Variants in TCP11L2 observed in about 807,000 individuals in gnomAD.
TCP11L2 encodes the protein T-complex protein 11-like protein 2.
A neutral mutation model predicts 50.7 loss-of-function variants in TCP11L2; 39 were observed. The ratio of observed to expected loss-of-function variants is 0.77; its 90% CI spans 0.60 to 1.01. The LOEUF (loss-of-function observed/expected upper bound fraction) is 1.01. TCP11L2 is among the 50% of genes least tolerant of loss of function. TCP11L2 has a pLI of 0.00. For missense variants in TCP11L2, 612 were observed against 614.7 expected (o/e 1.00, Z 0.05); for synonymous variants, 192 against 219.3 (o/e 0.88, Z 1.10).
intron 6 of TCP11L2, among the ~76,000 whole-genome samples, chr12:106,333,601 G>C (rs1187182239): frequency 2.6e-5 from 4 of 152,032 alleles, no homozygotes; most frequent in African/African-American, 9.7e-5. Context: ...GAACACTTAA[G>C]AGCTGAACAT....
rs781238856 is a variant in TCP11L2, at chr12:106,318,373, A to T, written c.323A>T (p.His108Leu). Residue 108 changes from histidine (H) to leucine (L), a missense_variant, in exon 4 of 10, where the codon CAC becomes CTC. His to Leu is a moderately conservative substitution (Grantham distance 99, BLOSUM62 -3). Transcript: ENST00000299045. ...SLAGRVKHIV[H>L]QAFWDVLDSE... is the part of the protein sequence containing the mutation. ...GCTGGTCGAGTGAAGCACATTGTTCACCAGGCCTTCTGGGACGTCTTGGAT... is the reference window on the plus strand; with the variant it reads ...GCTGGTCGAGTGAAGCACATTGTTCTCCAGGCCTTCTGGGACGTCTTGGAT... The T allele has an allele frequency of 1.9e-6, 3 of 1,614,004 alleles. No individual in the cohort carries two copies. Among genetic ancestry groups the T allele is most frequent in the Non-Finnish European group, 1.7e-6 (2 of 1,179,892 alleles).
chr12:106,346,584 C>T lies in TCP11L2; in HGVS notation c.*54C>T. 6.4e-7 allele frequency: 1 copy of T among 1,563,458 alleles called. No homozygotes were observed. Among genetic ancestry groups the T allele is most frequent in the Non-Finnish European group, 8.6e-7 (1 of 1,159,018 alleles). ...GAAATCCAGTACTTTGGTATCCAGT[C>T]CACTTCCATTGATGGCATTAGAGAT... On this transcript the variant is annotated 3_prime_UTR_variant, in exon 10 of 10. Transcript: ENST00000299045.
At position 106,323,349 on chromosome 12, in the gene TCP11L2, G is replaced by A. The variant is rs115223593; in HGVS notation, c.636-161G>A. ...GTGGAAGGACACATTTGCAGTACAC[G>A]TGTATGAGCTTCTATGAAACATGAC... is the stretch of plus-strand genomic sequence containing the variant. On this transcript the variant is annotated intron_variant, in intron 5 of 9. Transcript: ENST00000299045. Among the ~76,000 whole-genome samples the A allele has an allele frequency of 9.4e-3, 1,428 of 152,256 alleles. 21 individuals are homozygous for A. The highest frequency in any genetic ancestry group is 0.031 in the African/African-American group (1,306 of 41,538).
intron 9 of TCP11L2, among the ~76,000 whole-genome samples, chr12:106,344,170 A>C (rs1182867058): frequency 2.0e-5 from 3 of 151,764 alleles, no homozygotes; most frequent in African/African-American, 7.3e-5. Context: ...AAAAAGAAAA[A>C]AAATACAGAT....
At chr12:106,331,509 C>T (rs541683956) in intron 6 of TCP11L2, among the ~76,000 whole-genome samples, 10 of 152,148 alleles carry the variant, frequency 6.6e-5, no homozygotes, top group African/African-American at 1.2e-4. Context: ...CAATAATCCC[C>T]GTCTTTAAAG....
chr12:106,314,206 A>G, intron 2 of TCP11L2, 152 bp from the exon 3 acceptor site: 2 of 628,454 alleles, frequency 3.2e-6, no homozygotes, highest in Non-Finnish European at 2.5e-6. Context: ...TTATTAACTG[A>G]GGGAATTCAC....
In TCP11L2 at chr12:106,311,182, C is replaced by T. The variant is rs146114134; in HGVS notation, c.107C>T (p.Ser36Phe). 6.2e-7 allele frequency: 1 copy of T among 1,614,136 alleles called. No homozygotes were observed. Among genetic ancestry groups the T allele is most frequent in the African/African-American group, 1.3e-5 (1 of 75,034 alleles). ...GCTTCGCTCAGTGACTATGAATGCT[C>T]CAGGCAGAGCTTTGCAAGTGACTCC... The part of the protein sequence containing the change: ...SMASLSDYEC[S>F]RQSFASDSSS... Residue 36 changes from serine to phenylalanine, a missense_variant, in exon 2 of 10, where the codon TCC (serine) becomes TTC (phenylalanine). Coordinates refer to ENST00000299045, the MANE Select transcript of TCP11L2 (RefSeq NM_152772.3).
At chr12:106,309,534 A>G (rs1565837488) in intron 1 of TCP11L2, among the ~76,000 whole-genome samples, 1 of 151,940 alleles carries the variant, frequency 6.6e-6, no homozygotes, top group Non-Finnish European at 1.5e-5. Flanking sequence ...TTTCACCCTT[A>G]TTAGATCCCT....
Position 106,346,345 on chromosome 12 carries a change from A to C in TCP11L2, c.1375A>C (p.Met459Leu), listed in dbSNP as rs757062673. The C allele has an allele frequency of 6.2e-7, 1 of 1,614,122 alleles. No individual in the cohort carries two copies. Among genetic ancestry groups the C allele is most frequent in the South Asian group, 1.1e-5 (1 of 91,080 alleles). ...TTGTCTTCCAAGCCCTCAAAAATGC[A>C]TGCCTCCTATGCCAGGAGGCCTAGC... Reference protein sequence around the residue: ...LLCLPSPQKCMPPMPGGLAVI... With the variant: ...LLCLPSPQKCLPPMPGGLAVI... The change falls in exon 10 of 10, where the codon ATG becomes CTG. Residue 459 changes from methionine to leucine, a missense_variant. Met to Leu is a conservative substitution (Grantham distance 15). Transcript: ENST00000299045.
chr12:106,335,815 GA>G lies in TCP11L2; in HGVS notation c.951del (p.Glu317AspfsTer7). 1 of 1,613,560 alleles carries G rather than the reference GA, an allele frequency of 6.2e-7. No homozygotes were observed. The highest frequency in any genetic ancestry group is 1.3e-5 in the African/African-American group (1 of 75,006). ...KLLQWDYQKK[E>X]LPETLMTDGA... ...GTTACAGTGGGATTATCAGAAAAAAGAATTACCAGAGGTGAGTGGTTTTGTT... is the reference window on the plus strand; with the variant it reads ...GTTACAGTGGGATTATCAGAAAAAAGATTACCAGAGGTGAGTGGTTTTGTT... On this transcript the variant is annotated frameshift_variant, in exon 7 of 10. Transcript: ENST00000299045. LOFTEE classifies it high-confidence loss of function.
intron 9 of TCP11L2, among the ~76,000 whole-genome samples, chr12:106,342,673 G>A (rs1228023340): frequency 1.3e-5 from 2 of 152,202 alleles, no homozygotes; most frequent in Non-Finnish European, 2.9e-5. Context: ...TGTGAAATGG[G>A]TAAATGCATA....
Position 106,340,724 on chromosome 12 carries a change from T to G in TCP11L2, c.1143-102T>G, listed in dbSNP as rs530451313. 1.1e-5 allele frequency: 11 copies of G among 959,170 alleles called. No homozygotes were observed. The African/African-American group carries it at 1.8e-4, about 16-fold the overall frequency. The allele number at this position is 959,170 out of a possible 1,614,324, so 59.4% of individuals were successfully genotyped here. A position where few individuals can be genotyped will look rare whatever the true frequency, so the allele number is the denominator to read the frequency against. ...CTAATAGAGGTTATTATTGTCTGTA[T>G]AAGAGAAATTTGGTAGACATCTAAA... is the stretch of plus-strand genomic sequence containing the variant. On this transcript the variant is annotated intron_variant, in intron 8 of 9. Coordinates refer to ENST00000299045, the MANE Select transcript of TCP11L2 (RefSeq NM_152772.3).
chr12:106,319,211 T>C (rs2035241970), intron 4 of TCP11L2, among the ~76,000 whole-genome samples: 1 of 152,088 alleles, frequency 6.6e-6, no homozygotes, highest in Non-Finnish European at 1.5e-5. Flanking sequence ...GCGCCCAGCC[T>C]AGGGTCTCTT....
chr12:106,302,633 A>G (rs958810214), upstream of TCP11L2, among the ~76,000 whole-genome samples: 4 of 151,530 alleles, frequency 2.6e-5, no homozygotes, highest in East Asian at 2.0e-4. Context: ...ACTGACGAAG[A>G]CTGTTTCTCT....
At chr12:106,308,374 C>G (rs1290028285) in intron 1 of TCP11L2, among the ~76,000 whole-genome samples, 1 of 152,190 alleles carries the variant, frequency 6.6e-6, no homozygotes, top group African/African-American at 2.4e-5. Context: ...TCCTGACTCC[C>G]AATTATTTTA....
chr12:106,318,426 T>G lies in TCP11L2; in HGVS notation c.376T>G (p.Phe126Val), dbSNP rs759018413. The G allele has an allele frequency of 1.1e-5, 17 of 1,614,032 alleles. No homozygotes were observed. The highest frequency in any genetic ancestry group is 1.4e-5 in the Non-Finnish European group (17 of 1,179,920). The change falls in exon 4 of 10, where the codon TTT becomes GTT. Residue 126 changes from phenylalanine (F) to valine (V), a missense_variant. Transcript: ENST00000299045. ...DSELNADPPE[F>V]EHAIKLFEEI... is the part of the protein sequence containing the mutation. Reference sequence around the variant, plus strand: ...AGAACTAAATGCTGACCCTCCTGAGTTTGAACATGCCATCAAACTGTTTGA... The same window carrying G: ...AGAACTAAATGCTGACCCTCCTGAGGTTGAACATGCCATCAAACTGTTTGA...
At chr12:106,334,998 G>A (rs1160218813) in intron 6 of TCP11L2, among the ~76,000 whole-genome samples, 1 of 152,010 alleles carries the variant, frequency 6.6e-6, no homozygotes, top group Non-Finnish European at 1.5e-5. Context: ...CCCATCGCTG[G>A]TGTTTGTAAC....
chr12:106,323,603 A>G lies in TCP11L2; in HGVS notation c.729A>G (p.Glu243=). The G allele has an allele frequency of 2.5e-6, 4 of 1,605,060 alleles. No individual in the cohort carries two copies. Among genetic ancestry groups the G allele is most frequent in the Non-Finnish European group, 2.6e-6 (3 of 1,175,850 alleles). ...CGCACCTTCAACGCCAGTTGGTGGAATATGAGAGAACCAAGTTCCAGGAAA... is the reference window on the plus strand; with the variant it reads ...CGCACCTTCAACGCCAGTTGGTGGAGTATGAGAGAACCAAGTTCCAGGAAA... ...LRPHLQRQLV[E]YERTKFQEIL... The change falls in exon 6 of 10, where the codon GAA becomes GAG. Residue 243 remains glutamate, a synonymous_variant. Coordinates refer to ENST00000299045, the MANE Select transcript of TCP11L2 (RefSeq NM_152772.3).
At chr12:106,302,352 A>C (rs1296064064), upstream of TCP11L2, among the ~76,000 whole-genome samples, 56 of 18,336 alleles carry the variant, frequency 3.1e-3, 2 homozygotes, top group Non-Finnish European at 2.1e-3. Context: ...GCCCCCGCTC[A>C]GCCCCCGCTC....
Sources: gnomAD v4.1 joint callset for allele counts (sites outside exome capture counted in the v4.1 genomes callset) on GRCh38, gnomAD v4.1.1 for gene constraint, MANE v1.5 for transcripts, NCBI Gene and HGNC (gene_info 2026-07-23, HGNC 2026-07-21) for gene names.